The following RABGAP1L variants were observed in gnomAD, a reference collection of about 807,000 sequenced individuals.
The protein encoded by RABGAP1L is rab GTPase-activating protein 1-like.
Under a neutral mutation model 137.7 loss-of-function variants are expected in RABGAP1L, and 63 were observed. That is an observed-to-expected ratio of 0.46 (90% CI 0.37 to 0.56). RABGAP1L has a LOEUF of 0.56. RABGAP1L is among the 20% of genes least tolerant of loss of function. RABGAP1L has a pLI of 0.00. For missense variants in RABGAP1L, 1,095 were observed against 1,244.0 expected, an observed-to-expected ratio of 0.88 and a Z score of 1.80; for synonymous variants, 431 against 433.7, an observed-to-expected ratio of 0.99 and a Z score of 0.08.
intron 13 of RABGAP1L, among the ~76,000 whole-genome samples, chr1:174,508,381 T>C (rs982792768): frequency 1.3e-5 from 2 of 152,226 alleles, no homozygotes; most frequent in African/African-American, 4.8e-5. Flanking sequence ...GTTTTTTCTC[T>C]GAACAATACA....
chr1:174,239,339 T>C (rs1671579616), intron 4 of RABGAP1L, among the ~76,000 whole-genome samples: 1 of 152,194 alleles, frequency 6.6e-6, no homozygotes, highest in Non-Finnish European at 1.5e-5. Context: ...CCTCTCCCTT[T>C]CTCTGTCTTC....
chr1:174,520,953 A>T (rs1663312398), intron 13 of RABGAP1L, among the ~76,000 whole-genome samples: 1 of 152,198 alleles, frequency 6.6e-6, no homozygotes, highest in Non-Finnish European at 1.5e-5. Context: ...GTGAGCTGAG[A>T]TTGCACCACT....
At chr1:174,373,961 T>C (rs1210629184) in intron 12 of RABGAP1L, among the ~76,000 whole-genome samples, 2 of 152,168 alleles carry the variant, frequency 1.3e-5, no homozygotes, top group Non-Finnish European at 2.9e-5. Flanking sequence ...TCTGGTCCAA[T>C]TGAATTAGGC....
At chr1:174,223,936 C>T (rs928924828) in intron 3 of RABGAP1L, among the ~76,000 whole-genome samples, 8 of 152,212 alleles carry the variant, frequency 5.3e-5, no homozygotes, top group Middle Eastern at 3.4e-3. Flanking sequence ...TGACAGAATT[C>T]GCTTCACATA....
At position 174,990,421 on chromosome 1, in the gene RABGAP1L, A is replaced by G. The variant is rs1458198210; in HGVS notation, c.*420A>G. 1 of 153,860 alleles carries G rather than the reference A, an allele frequency of 6.5e-6. No individual in the cohort carries two copies. The highest frequency in any genetic ancestry group is 1.4e-5 in the Non-Finnish European group (1 of 69,252). The allele number at this position is 153,860 out of a possible 1,614,324, so 9.5% of individuals were successfully genotyped here. ...CAGGAAAAAAAAAATTGAAACCTAA[A>G]CATCTTAAGTTTTCAGGATTTATTC... On this transcript the variant is annotated 3_prime_UTR_variant, in exon 26 of 26. Coordinates refer to ENST00000681986, the MANE Select transcript of RABGAP1L (RefSeq NM_001366446.1).
intron 11 of RABGAP1L, among the ~76,000 whole-genome samples, chr1:174,349,173 G>A (rs1484111204): frequency 2.2e-5 from 3 of 136,410 alleles, no homozygotes; most frequent in African/African-American, 5.6e-5. Flanking sequence ...CAGTAGGGGC[G>A]GCCGGGCAGA....
intron 13 of RABGAP1L, among the ~76,000 whole-genome samples, chr1:174,633,466 A>G (rs955612391): frequency 7.2e-5 from 11 of 151,766 alleles, no homozygotes; most frequent in Admixed American, 2.0e-4. Flanking sequence ...GCCCAAGGTA[A>G]TTTATAGATT....
At chr1:174,562,646 C>T (rs57898822) in intron 13 of RABGAP1L, among the ~76,000 whole-genome samples, 11,902 of 152,020 alleles carry the variant, frequency 0.078, 647 homozygotes, top group East Asian at 0.31. Flanking sequence ...AAATGTGGCA[C>T]GTATACACCA....
At position 174,988,734 on chromosome 1, in the gene RABGAP1L, G is replaced by C. The variant is rs1671820559; in HGVS notation, c.2899G>C (p.Glu967Gln). ...AATGREDQGI[E>Q]TDDEKDSLKK... Reference sequence around the variant, plus strand: ...CACAGGCAGAGAGGACCAGGGAATTGAAACAGATGATGAGAAGGACTCACT... The same window carrying C: ...CACAGGCAGAGAGGACCAGGGAATTCAAACAGATGATGAGAAGGACTCACT... The change falls in exon 25 of 26, where the codon GAA (glutamate) becomes CAA (glutamine). Residue 967 changes from glutamate to glutamine, a missense_variant. Transcript: ENST00000681986. 1.3e-6 allele frequency: 2 copies of C among 1,549,556 alleles called. No homozygotes were observed. Among genetic ancestry groups the C allele is most frequent in the Non-Finnish European group, 8.7e-7 (1 of 1,146,504 alleles).
intron 13 of RABGAP1L, among the ~76,000 whole-genome samples, chr1:174,572,178 G>C (rs557709078): frequency 6.6e-6 from 1 of 152,110 alleles, no homozygotes; most frequent in Non-Finnish European, 1.5e-5. Flanking sequence ...CATGGACTAC[G>C]GAGTAAGACC....
chr1:174,941,679 C>CCAAAA (rs1365030532), intron 19 of RABGAP1L, among the ~76,000 whole-genome samples: 4 of 127,976 alleles, frequency 3.1e-5, no homozygotes, highest in African/African-American at 7.4e-5. Flanking sequence ...TCCTCCCCCA[C>CCAAAA]CAAAACGAAA....
At chr1:174,962,405 T>C (rs1321385003) in intron 20 of RABGAP1L, among the ~76,000 whole-genome samples, 1 of 152,168 alleles carries the variant, frequency 6.6e-6, no homozygotes, top group Non-Finnish European at 1.5e-5. Flanking sequence ...TTTAGAATGT[T>C]TAACCTCATT....
At chr1:174,987,674 A>G (rs1349346078) in intron 24 of RABGAP1L, among the ~76,000 whole-genome samples, 1 of 152,242 alleles carries the variant, frequency 6.6e-6, no homozygotes, top group Non-Finnish European at 1.5e-5. Flanking sequence ...AAGTAGAAAT[A>G]GCATGTAATA....
intron 10 of RABGAP1L, among the ~76,000 whole-genome samples, chr1:174,292,164 A>G (rs558575963): frequency 1.8e-3 from 263 of 150,272 alleles, no homozygotes; most frequent in Non-Finnish European, 3.2e-3. Context: ...CTGCCTCCTG[A>G]GTAGCTAGGA....
At chr1:174,905,881 T>TA (rs1658988011) in intron 19 of RABGAP1L, among the ~76,000 whole-genome samples, 1 of 150,438 alleles carries the variant, frequency 6.6e-6, no homozygotes, top group African/African-American at 2.4e-5. Flanking sequence ...AAAAAGAAAA[T>TA]ACATGGAGGA....
At chr1:174,673,637 T>A (rs1017260681) in intron 14 of RABGAP1L, among the ~76,000 whole-genome samples, 3 of 152,188 alleles carry the variant, frequency 2.0e-5, no homozygotes, top group African/African-American at 7.2e-5. Flanking sequence ...TTTTTATTTT[T>A]CAGGCATAGA....
chr1:174,386,439 G>A lies in RABGAP1L; in HGVS notation c.1560-7556G>A, dbSNP rs185042049. On this transcript the variant is annotated intron_variant, in intron 12 of 25. Transcript: ENST00000681986. ...CAAGTAAATGACAGAGCCAGTTTCT[G>A]AATCTAAACCACTCTGGTTTTAGAG... 1.2e-3 allele frequency among the ~76,000 whole-genome samples: 190 copies of A among 152,044 alleles called. 1 individual carries two copies. Among genetic ancestry groups the A allele is most frequent in the African/African-American group, 4.5e-3 (186 of 41,498 alleles).
chr1:174,650,259 C>A (rs1675355215), intron 14 of RABGAP1L, among the ~76,000 whole-genome samples: 1 of 152,112 alleles, frequency 6.6e-6, no homozygotes, highest in Non-Finnish European at 1.5e-5. Context: ...AGGATTTTTG[C>A]ATCAGTGTTC....
chr1:174,556,059 G>A lies in RABGAP1L; in HGVS notation c.1711-81316G>A, dbSNP rs372666051. Among the ~76,000 whole-genome samples, 56 of 147,846 alleles carry A rather than the reference G, an allele frequency of 3.8e-4. No individual in the cohort carries two copies. In the Middle Eastern group the frequency reaches 0.01, roughly 27 times the overall value. Reference sequence around the variant, plus strand: ...GTCACCAAGGCTAGAGTGCAGTGGCGCGATCTTGGCTCACTGCAACCTTCA... The same window carrying A: ...GTCACCAAGGCTAGAGTGCAGTGGCACGATCTTGGCTCACTGCAACCTTCA... On this transcript the variant is annotated intron_variant, in intron 13 of 25. Coordinates refer to ENST00000681986, the MANE Select transcript of RABGAP1L (RefSeq NM_001366446.1).
Sources: allele counts gnomAD v4.1 joint callset (sites outside exome capture counted in the v4.1 genomes callset), GRCh38; gene constraint gnomAD v4.1.1; transcripts MANE v1.5; gene names NCBI Gene and HGNC (gene_info 2026-07-23, HGNC 2026-07-21).